The following FAF1 variants were observed in gnomAD, a reference collection of about 807,000 sequenced individuals.
FAF1 encodes the protein FAS-associated factor 1.
A neutral mutation model predicts 92.5 loss-of-function variants in FAF1; 25 were observed. The observed-to-expected ratio is 0.27, with a 90% CI of 0.20 to 0.38. FAF1 has a LOEUF of 0.38. Ranked by LOEUF, FAF1 falls within the 10% of genes least tolerant of loss-of-function variation. FAF1 has a pLI of 1.00. For missense variants in FAF1, 636 were observed against 793.3 expected, an observed-to-expected ratio of 0.80 and a Z score of 2.38; for synonymous variants, 234 against 273.2, an observed-to-expected ratio of 0.86 and a Z score of 1.42.
At chr1:50,558,728 C>A (rs1475976395) in intron 13 of FAF1, among the ~76,000 whole-genome samples, 5 of 152,180 alleles carry the variant, frequency 3.3e-5, no homozygotes, top group African/African-American at 1.2e-4. Flanking sequence ...TATTTATTGA[C>A]AACTGTATCT....
chr1:50,945,582 C>A (rs767920987), intron 1 of FAF1, among the ~76,000 whole-genome samples: 1 of 152,184 alleles, frequency 6.6e-6, no homozygotes, highest in Non-Finnish European at 1.5e-5. Context: ...AGTGTACACT[C>A]AATCAGAAGC....
intron 6 of FAF1, among the ~76,000 whole-genome samples, chr1:50,726,264 A>C (rs926167730): frequency 2.0e-5 from 3 of 151,970 alleles, no homozygotes; most frequent in Non-Finnish European, 4.4e-5. Flanking sequence ...TCAAAAAAAT[A>C]ATAATAATAA....
intron 6 of FAF1, among the ~76,000 whole-genome samples, chr1:50,706,784 G>A (rs560677242): frequency 6.6e-6 from 1 of 152,290 alleles, no homozygotes; most frequent in East Asian, 1.9e-4. Flanking sequence ...TGTCTCAAGT[G>A]TAATTTTGCC....
At chr1:50,445,153 G>T (rs1415187979) in intron 18 of FAF1, among the ~76,000 whole-genome samples, 1 of 152,080 alleles carries the variant, frequency 6.6e-6, no homozygotes, top group Non-Finnish European at 1.5e-5. Flanking sequence ...TTCTTTAATG[G>T]TAATTTCTAA....
intron 1 of FAF1, among the ~76,000 whole-genome samples, chr1:50,891,289 T>G (rs183872871): frequency 6.6e-6 from 1 of 152,238 alleles, no homozygotes; most frequent in Non-Finnish European, 1.5e-5. Context: ...TTTAACTTCT[T>G]TGAGATGGGT....
intron 18 of FAF1, among the ~76,000 whole-genome samples, chr1:50,450,365 C>T (rs934652048): frequency 5.9e-5 from 9 of 152,132 alleles, no homozygotes; most frequent in Admixed American, 5.9e-4. Flanking sequence ...CTGAGACTTG[C>T]TCAAGATTAC....
intron 1 of FAF1, among the ~76,000 whole-genome samples, chr1:50,919,310 T>C (rs779218519): frequency 2.0e-4 from 30 of 150,876 alleles, no homozygotes; most frequent in Non-Finnish European, 3.4e-4. Flanking sequence ...TAGATGGAAC[T>C]GCTAATCTAC....
chr1:50,585,756 T>C (rs993138563), intron 9 of FAF1, among the ~76,000 whole-genome samples: 1 of 152,006 alleles, frequency 6.6e-6, no homozygotes, highest in African/African-American at 2.4e-5. Flanking sequence ...ATGGGGAAAC[T>C]GATCCTTCAG....
intron 1 of FAF1, among the ~76,000 whole-genome samples, chr1:50,914,194 T>G (rs1644905308): frequency 1.3e-5 from 2 of 152,186 alleles, no homozygotes; most frequent in Non-Finnish European, 2.9e-5. Flanking sequence ...CACAGAAATA[T>G]CAGAACCTGG....
In FAF1 at chr1:50,441,542, C is replaced by G; in HGVS notation, c.1870-19G>C. The G allele has an allele frequency of 6.9e-7, 1 of 1,451,510 alleles. No homozygotes were observed. The highest frequency in any genetic ancestry group is 9.4e-7 in the Non-Finnish European group (1 of 1,061,004). 89.9% of individuals were successfully genotyped at this position (1,451,510 alleles called of 1,614,324 possible). ...GAGTTACCTAAAAAGATGAAGAACACATATTCAAAAGACTGAAACAAGCAC... is the reference window on the plus strand; with the variant it reads ...GAGTTACCTAAAAAGATGAAGAACAGATATTCAAAAGACTGAAACAAGCAC... On this transcript the variant is annotated intron_variant, in intron 18 of 18. Transcript: ENST00000396153.
chr1:50,595,980 C>T (rs1651786712), intron 9 of FAF1, 141 bp downstream of exon 9: 2 of 613,432 alleles, frequency 3.3e-6, no homozygotes, highest in East Asian at 2.8e-5. Flanking sequence ...ACAGTTTCTG[C>T]CTTCAAGAAT....
chr1:50,473,463 T>A (rs1367227487), intron 18 of FAF1, among the ~76,000 whole-genome samples: 2 of 152,136 alleles, frequency 1.3e-5, no homozygotes, highest in African/African-American at 4.8e-5. Flanking sequence ...AGCTCCTAAG[T>A]TTTTTAAGTT....
chr1:50,894,589 A>G (rs1644744573), intron 1 of FAF1, among the ~76,000 whole-genome samples: 1 of 152,012 alleles, frequency 6.6e-6, no homozygotes. Context: ...CACATAAATC[A>G]TTCTGAAGGG....
chr1:50,485,158 G>A (rs1646749577), intron 17 of FAF1, among the ~76,000 whole-genome samples: 1 of 151,644 alleles, frequency 6.6e-6, no homozygotes, highest in Admixed American at 6.6e-5. Context: ...ATAGGGTCTT[G>A]CCATGTTGCT....
chr1:50,509,426 A>G (rs966965499), intron 15 of FAF1, among the ~76,000 whole-genome samples: 11 of 152,102 alleles, frequency 7.2e-5, no homozygotes, highest in Middle Eastern at 3.4e-3. Context: ...AGCCTAGGCA[A>G]CACAGTGAGA....
chr1:50,810,640 ATC>A (rs1330459456), intron 2 of FAF1, among the ~76,000 whole-genome samples: 5 of 152,244 alleles, frequency 3.3e-5, no homozygotes, highest in African/African-American at 1.2e-4. Flanking sequence ...AAGTCAAACT[ATC>A]TCTGTTTGCA....
chr1:50,729,058 A>ATT lies in FAF1; in HGVS notation c.551+9803_551+9804dup, dbSNP rs1195852048. Among the ~76,000 whole-genome samples, 392 of 70,074 alleles carry ATT rather than the reference A, an allele frequency of 5.6e-3. 4 individuals are homozygous for ATT. Among genetic ancestry groups the ATT allele is most frequent in the East Asian group, 8.2e-3 (26 of 3,156 alleles). The allele number at this position is 70,074 out of a possible 152,430, so 46.0% of individuals were successfully genotyped here. A position where few individuals can be genotyped will look rare whatever the true frequency, so the allele number is the denominator to read the frequency against. On this transcript the variant is annotated intron_variant, in intron 6 of 18. Transcript: ENST00000396153. Reference sequence around the variant, plus strand: ...TCTATATATATATATATATATATATATTTTTTTTTTTTTTGAGGCAGAGTT... The same window carrying ATT: ...TCTATATATATATATATATATATATATTTTTTTTTTTTTTTTGAGGCAGAGTT...
intron 6 of FAF1, among the ~76,000 whole-genome samples, chr1:50,717,992 TTTA>T (rs946430971): frequency 4.7e-5 from 1 of 21,074 alleles, no homozygotes; most frequent in African/African-American, 1.1e-4. Context: ...CAATCCTTTA[TTTA>T]TTTATTTATT....
At chr1:50,721,603 A>G (rs1658415762) in intron 6 of FAF1, among the ~76,000 whole-genome samples, 1 of 151,936 alleles carries the variant, frequency 6.6e-6, no homozygotes, top group South Asian at 2.1e-4. Flanking sequence ...TTAAGGTCTC[A>G]TTTTCTTTTT....
Sources: gnomAD v4.1 joint callset for allele counts (sites outside exome capture counted in the v4.1 genomes callset) on GRCh38, gnomAD v4.1.1 for gene constraint, MANE v1.5 for transcripts, NCBI Gene and HGNC (gene_info 2026-07-23, HGNC 2026-07-21) for gene names.